TLE1: variants seen among roughly 807,000 people sequenced by gnomAD.
The protein encoded by TLE1 is transducin-like enhancer protein 1.
A neutral mutation model predicts 89.8 loss-of-function variants in TLE1; 21 were observed. The ratio of observed to expected loss-of-function variants is 0.23; its 90% CI spans 0.17 to 0.34. The LOEUF is 0.34. TLE1 is among the 10% of genes least tolerant of loss of function. The pLI is 1.00. For missense variants in TLE1, 795 were observed against 1,031.2 expected (o/e 0.77, Z 3.14); for synonymous variants, 447 against 407.6 (o/e 1.10, Z -1.16).
chr9:81,673,770 G>C (rs890877593), intron 4 of TLE1, among the ~76,000 whole-genome samples: 2 of 152,126 alleles, frequency 1.3e-5, no homozygotes, highest in Non-Finnish European at 2.9e-5. Context: ...TGGGGGCTAT[G>C]ACAACTCTAA....
rs528162670 is a variant in TLE1 at position 81,593,919 on chromosome 9, A to C, written c.1332-645T>G. Among the ~76,000 whole-genome samples the C allele has an allele frequency of 1.7e-4, 26 of 152,290 alleles. 1 individual carries two copies. In the South Asian group the frequency reaches 5.4e-3, roughly 32 times the overall value. On this transcript the variant is annotated intron_variant, in intron 14 of 19. Coordinates refer to ENST00000376499, the MANE Select transcript of TLE1 (RefSeq NM_005077.5). Reference sequence around the variant, plus strand: ...CAGGAACGCCATTATATAAAACAGCAAAGTGTGCAGCTAAAAAACTACTCT... The same window carrying C: ...CAGGAACGCCATTATATAAAACAGCCAAGTGTGCAGCTAAAAAACTACTCT...
intron 8 of TLE1, among the ~76,000 whole-genome samples, chr9:81,629,484 T>C (rs187427880): frequency 1.3e-5 from 2 of 152,310 alleles, no homozygotes; most frequent in East Asian, 3.9e-4. Context: ...CTCTATAAAG[T>C]TGCTAGCTTT....
chr9:81,645,706 C>T (rs1002426332), intron 6 of TLE1, among the ~76,000 whole-genome samples: 3 of 152,014 alleles, frequency 2.0e-5, no homozygotes, highest in Admixed American at 2.0e-4. Context: ...AGCCACTGCA[C>T]TCCAGCCTGG....
At chr9:81,614,813 A>G (rs1276390784) in intron 11 of TLE1, among the ~76,000 whole-genome samples, 1 of 151,990 alleles carries the variant, frequency 6.6e-6, no homozygotes, top group East Asian at 2.0e-4. Flanking sequence ...GCTCCATAAT[A>G]TCGGGGCATG....
intron 4 of TLE1, among the ~76,000 whole-genome samples, chr9:81,655,009 C>T (rs1472242187): frequency 6.6e-6 from 1 of 152,140 alleles, no homozygotes; most frequent in Non-Finnish European, 1.5e-5. Context: ...ACCGACAGGG[C>T]CCAGGGGTCA....
chr9:81,594,186 G>A (rs1829912906), intron 14 of TLE1, among the ~76,000 whole-genome samples: 1 of 152,190 alleles, frequency 6.6e-6, no homozygotes, highest in Non-Finnish European at 1.5e-5. Context: ...TGAGCTAAGA[G>A]CAAGATGACT....
In TLE1 at chr9:81,593,006, C is replaced by G; in HGVS notation, c.1581+19G>C. 1.2e-6 allele frequency: 2 copies of G among 1,601,756 alleles called. No homozygotes were observed. The highest frequency in any genetic ancestry group is 1.7e-6 in the Non-Finnish European group (2 of 1,169,856). Reference sequence around the variant, plus strand: ...TCCAGGGAGAAATTGCCCTTGTGCACCAGTTCCTGTTCACTCACCAGACAG... The same window carrying G: ...TCCAGGGAGAAATTGCCCTTGTGCAGCAGTTCCTGTTCACTCACCAGACAG... On this transcript the variant is annotated intron_variant, in intron 15 of 19. Coordinates refer to ENST00000376499, the MANE Select transcript of TLE1 (RefSeq NM_005077.5).
chr9:81,681,981 C>T lies in TLE1; in HGVS notation c.234+3695G>A, dbSNP rs189038550. 3.5e-3 allele frequency among the ~76,000 whole-genome samples: 534 copies of T among 152,160 alleles called. 4 individuals carry two copies. The highest frequency in any genetic ancestry group is 5.3e-3 in the Admixed American group (81 of 15,302). ...CACAGACAGGCCGGGTGTGGTAGCT[C>T]ATGCCTGTAATCCTAGCACTTTGGG... On this transcript the variant is annotated intron_variant, in intron 4 of 19. Coordinates refer to ENST00000376499, the MANE Select transcript of TLE1 (RefSeq NM_005077.5).
chr9:81,588,838 G>T (rs914839922), intron 16 of TLE1, among the ~76,000 whole-genome samples: 2 of 152,168 alleles, frequency 1.3e-5, no homozygotes, highest in African/African-American at 4.8e-5. Context: ...TGAGAAGAAA[G>T]TTACCATGCT....
chr9:81,626,922 TC>T (rs746494596), intron 8 of TLE1, among the ~76,000 whole-genome samples: 1 of 152,192 alleles, frequency 6.6e-6, no homozygotes, highest in Non-Finnish European at 1.5e-5. Flanking sequence ...ACACTGCCGT[TC>T]CCCAGCTCAG....
chr9:81,600,423 C>A (rs966190826), intron 14 of TLE1, among the ~76,000 whole-genome samples: 5 of 152,060 alleles, frequency 3.3e-5, no homozygotes, highest in African/African-American at 9.7e-5. Context: ...GCAGGAGGAT[C>A]CCCTGAGCTC....
Position 81,585,790 on chromosome 9 carries a change from A to G in TLE1, c.1978-135T>C. 4.6e-6 allele frequency: 5 copies of G among 1,087,394 alleles called. No homozygotes were observed. The South Asian group carries it at 5.0e-5, about 11-fold the overall frequency. 67.4% of individuals were successfully genotyped at this position (1,087,394 alleles called of 1,614,324 possible). The stretch of plus-strand genomic sequence containing the variant: ...AAGTCCAGACTGTGGGGAGGTCCAC[A>G]GGGCAAGTGATCTAACGCAGATGAA... On this transcript the variant is annotated intron_variant, in intron 17 of 19. Coordinates refer to ENST00000376499, the MANE Select transcript of TLE1 (RefSeq NM_005077.5).
chr9:81,666,776 A>AAAATAAATAAATAAATAAATAAATAAAT (rs58357123), intron 4 of TLE1, among the ~76,000 whole-genome samples: 4 of 141,802 alleles, frequency 2.8e-5, no homozygotes, highest in Non-Finnish European at 6.1e-5. Context: ...CTCGTCTCAC[A>AAAATAAATAAATAAATAAATAAATAAAT]AAATAAATAA....
intron 6 of TLE1, among the ~76,000 whole-genome samples, chr9:81,637,795 C>G (rs894183467): frequency 6.6e-6 from 1 of 152,034 alleles, no homozygotes; most frequent in Admixed American, 6.5e-5. Flanking sequence ...CAGGGCAGTG[C>G]TCCTAGATAA....
intron 14 of TLE1, among the ~76,000 whole-genome samples, chr9:81,605,568 G>A (rs1187179777): frequency 1.3e-5 from 2 of 152,204 alleles, no homozygotes. Context: ...GCAGTCATAC[G>A]TAGAAAGCTG....
chr9:81,685,674 A>G lies in TLE1; in HGVS notation c.234+2T>C. ...TCAGCTTGAAGTTCAACTAAAGCTTACCTGTTTGTGCATTTCAATGTTTAA... is the reference window on the plus strand; with the variant it reads ...TCAGCTTGAAGTTCAACTAAAGCTTGCCTGTTTGTGCATTTCAATGTTTAA... On this transcript the variant is annotated splice_donor_variant, in intron 4 of 19. Coordinates refer to ENST00000376499, the MANE Select transcript of TLE1 (RefSeq NM_005077.5). LOFTEE classifies it high-confidence loss of function. 6.2e-7 allele frequency: 1 copy of G among 1,613,280 alleles called. No homozygotes were observed. The highest frequency in any genetic ancestry group is 8.5e-7 in the Non-Finnish European group (1 of 1,179,474).
intron 5 of TLE1, among the ~76,000 whole-genome samples, chr9:81,652,962 A>AC (rs796959778): frequency 5.9e-5 from 9 of 151,568 alleles, no homozygotes; most frequent in African/African-American, 2.2e-4. Flanking sequence ...CAAAGGAAGG[A>AC]CTCCAGCCTC....
At chr9:81,599,923 T>C in intron 14 of TLE1, 1 of 515,188 alleles carries the variant, frequency 1.9e-6, no homozygotes, top group Non-Finnish European at 3.5e-6. Flanking sequence ...TAAAGGCAAA[T>C]ACAAAACTTC....
chr9:81,646,484 C>G (rs1033449503), intron 6 of TLE1, among the ~76,000 whole-genome samples: 2 of 152,204 alleles, frequency 1.3e-5, no homozygotes, highest in Middle Eastern at 3.4e-3. Context: ...GCATTATTCT[C>G]CTAGGGAGAA....
Sources: allele counts gnomAD v4.1 joint callset (sites outside exome capture counted in the v4.1 genomes callset), GRCh38; gene constraint gnomAD v4.1.1; transcripts MANE v1.5; gene names NCBI Gene and HGNC (gene_info 2026-07-23, HGNC 2026-07-21).